The following CC2D2A variants were observed in gnomAD, a reference collection of about 807,000 sequenced individuals.
The protein encoded by CC2D2A is coiled-coil and C2 domain containing 2A.
In CC2D2A, 155 loss-of-function variants were observed where a neutral mutation model predicts 212.9. That is an observed-to-expected ratio of 0.73 (90% CI 0.64 to 0.83). The LOEUF is 0.83. Among genes scored for constraint, CC2D2A ranks in the 40% least tolerant of loss-of-function variants. The pLI is 0.00. For missense variants in CC2D2A, 1,856 were observed against 1,956.2 expected, an observed-to-expected ratio of 0.95 and a Z score of 0.97; for synonymous variants, 667 against 686.5, an observed-to-expected ratio of 0.97 and a Z score of 0.44.
At chr4:15,542,476 TG>T (rs1266445620) in intron 17 of CC2D2A, among the ~76,000 whole-genome samples, 3 of 152,202 alleles carry the variant, frequency 2.0e-5, no homozygotes, top group Non-Finnish European at 4.4e-5. Flanking sequence ...CAATAATTGA[TG>T]GTGCTATTTT....
chr4:15,481,664 T>C (rs3087622), intron 4 of CC2D2A: 155,459 of 439,922 alleles, frequency 0.35, 29,791 homozygotes, highest in Non-Finnish European at 0.4. Flanking sequence ...CCATGCTTAT[T>C]GCACAGTCTG....
At chr4:15,577,126 GGGA>G (rs374678910) in intron 29 of CC2D2A, among the ~76,000 whole-genome samples, 20,861 of 152,020 alleles carry the variant, frequency 0.14, 1,503 homozygotes, top group Non-Finnish European at 0.15. Context: ...CCCAAGTACT[GGGA>G]CCACAGGCAT....
chr4:15,528,087 C>G (rs1257448842), intron 12 of CC2D2A, among the ~76,000 whole-genome samples: 1 of 152,192 alleles, frequency 6.6e-6, no homozygotes, highest in Non-Finnish European at 1.5e-5. Flanking sequence ...AAAGGAATGG[C>G]TAAGCATTTG....
chr4:15,514,190 G>A (rs915926476), intron 8 of CC2D2A, among the ~76,000 whole-genome samples: 1 of 152,184 alleles, frequency 6.6e-6, no homozygotes, highest in Non-Finnish European at 1.5e-5. Context: ...TATCTTATAA[G>A]TGAGGAAACT....
chr4:15,583,629 T>A (rs1281747295), intron 30 of CC2D2A, among the ~76,000 whole-genome samples: 2 of 152,084 alleles, frequency 1.3e-5, no homozygotes, highest in African/African-American at 4.8e-5. Flanking sequence ...ACTTAACCAA[T>A]GAGGTGAAAG....
chr4:15,553,731 A>G (rs961174370), intron 19 of CC2D2A, among the ~76,000 whole-genome samples: 7 of 152,128 alleles, frequency 4.6e-5, no homozygotes, highest in African/African-American at 1.7e-4. Context: ...CTTGATCGCT[A>G]TATCCTTGAG....
chr4:15,515,835 A>G (rs1417166430), intron 9 of CC2D2A, 33 bp from the exon 10 acceptor site: 1 of 1,537,424 alleles, frequency 6.5e-7, no homozygotes, highest in Admixed American at 2.0e-5. Context: ...GATTGGCCCT[A>G]ATGTTTATTT....
At chr4:15,524,918 T>C (rs113673422) in intron 11 of CC2D2A, among the ~76,000 whole-genome samples, 1 of 152,254 alleles carries the variant, frequency 6.6e-6, no homozygotes, top group Admixed American at 6.5e-5. Context: ...TTGGGAGTAA[T>C]TGTTGCTATT....
chr4:15,589,222 C>CT (rs1720983161), intron 32 of CC2D2A, among the ~76,000 whole-genome samples: 1 of 152,122 alleles, frequency 6.6e-6, no homozygotes, highest in Admixed American at 6.5e-5. Flanking sequence ...CTTACTGACT[C>CT]TAAGAAGAAA....
intron 24 of CC2D2A, 123 bp downstream of exon 24, chr4:15,563,645 C>A: frequency 9.6e-7 from 1 of 1,041,892 alleles, no homozygotes; most frequent in Non-Finnish European, 1.4e-6. Flanking sequence ...ACTGAGGGTT[C>A]TTGCAAAGCC....
chr4:15,569,357 A>C lies in CC2D2A; in HGVS notation c.3463A>C (p.Ile1155Leu). The change falls in exon 27 of 37, where the codon ATT becomes CTT. Residue 1155 changes from isoleucine (I) to leucine (L), a missense_variant. Physicochemically the swap from Ile to Leu is conservative, Grantham distance 5. Coordinates refer to ENST00000424120, the MANE Select transcript of CC2D2A (RefSeq NM_001378615.1). ...AGTGAAAGATGTTGTGTTCATTAACATTTTTGATGAAGTACTGCATGATGT... is the reference window on the plus strand; with the variant it reads ...AGTGAAAGATGTTGTGTTCATTAACCTTTTTGATGAAGTACTGCATGATGT... ...QSVKDVVFIN[I>L]FDEVLHDVLE... 6.3e-7 allele frequency: 1 copy of C among 1,578,444 alleles called. No individual in the cohort carries two copies. The highest frequency in any genetic ancestry group is 2.3e-5 in the East Asian group (1 of 43,734).
chr4:15,488,005 ACTGT>A (rs1309608318), intron 4 of CC2D2A, among the ~76,000 whole-genome samples: 2 of 151,730 alleles, frequency 1.3e-5, no homozygotes, highest in African/African-American at 2.4e-5. Flanking sequence ...ATCTTTTTGT[ACTGT>A]CTATCTCTTG....
chr4:15,484,002 A>G (rs953971352), intron 4 of CC2D2A, among the ~76,000 whole-genome samples: 17 of 152,222 alleles, frequency 1.1e-4, no homozygotes, highest in Middle Eastern at 3.2e-3. Flanking sequence ...TTATTTGTAA[A>G]ACAGGGACAA....
At chr4:15,546,858 A>C (rs1463901638) in intron 17 of CC2D2A, among the ~76,000 whole-genome samples, 1 of 152,210 alleles carries the variant, frequency 6.6e-6, no homozygotes, top group African/African-American at 2.4e-5. Context: ...TCTAAAGGTA[A>C]GACAATGAGG....
chr4:15,526,687 T>C (rs1428738228), intron 11 of CC2D2A, among the ~76,000 whole-genome samples: 1 of 152,088 alleles, frequency 6.6e-6, no homozygotes, highest in African/African-American at 2.4e-5. Context: ...GTCTTTATAA[T>C]GAGAAAAAAT....
intron 2 of CC2D2A, among the ~76,000 whole-genome samples, chr4:15,476,918 C>T (rs1424336406): frequency 6.6e-6 from 1 of 152,172 alleles, no homozygotes; most frequent in Non-Finnish European, 1.5e-5. Context: ...TGGCTTGAGA[C>T]AACAAAGACA....
chr4:15,555,092 C>A lies in CC2D2A; in HGVS notation c.2507C>A (p.Ala836Asp). Reference protein sequence around the residue: ...GFRSALKKADAISSIGTSGLT... With the variant: ...GFRSALKKADDISSIGTSGLT... ...TTCAGTGCTTTGAAGAAAGCAGATG[C>A]CATCTCATCTATTGGCACATCAGGA... The change falls in exon 20 of 37, where the codon GCC (alanine) becomes GAC (aspartate). Residue 836 changes from alanine to aspartate, a missense_variant. This residue lies in a region of CC2D2A where 1,512 missense variants were observed against 1,579.3 expected (regional missense o/e 0.96). Transcript: ENST00000424120. The A allele has an allele frequency of 6.2e-7, 1 of 1,612,692 alleles. No homozygotes were observed. The highest frequency in any genetic ancestry group is 2.2e-5 in the East Asian group (1 of 44,832).
rs763413390 is a variant in CC2D2A, at chr4:15,580,006, T to A, written c.3810T>A (p.Thr1270=). 6.2e-7 allele frequency: 1 copy of A among 1,613,814 alleles called. No individual in the cohort carries two copies. The highest frequency in any genetic ancestry group is 1.3e-5 in the African/African-American group (1 of 75,046). The change falls in exon 30 of 37, where the codon ACT becomes ACA. Residue 1270 remains threonine, a synonymous_variant. Coordinates refer to ENST00000424120, the MANE Select transcript of CC2D2A (RefSeq NM_001378615.1). The stretch of plus-strand genomic sequence containing the variant: ...AAGATGAGAAATTACTTCAAGCAAC[T>A]GAGAAGTTTCAAGCTGAATGTGCCT... ...SQEDEKLLQA[T]EKFQAECALK... is the part of the protein sequence containing the mutation.
At chr4:15,496,695 GATAA>G (rs1560150208) in intron 4 of CC2D2A, among the ~76,000 whole-genome samples, 1 of 152,066 alleles carries the variant, frequency 6.6e-6, no homozygotes, top group Non-Finnish European at 1.5e-5. Context: ...TCCTAGATCT[GATAA>G]ACAACTTCAG....
Sources: allele counts gnomAD v4.1 joint callset (sites outside exome capture counted in the v4.1 genomes callset), GRCh38; gene constraint gnomAD v4.1.1; regional missense constraint gnomAD v4.1.1; transcripts MANE v1.5; gene names NCBI Gene and HGNC (gene_info 2026-07-23, HGNC 2026-07-21).